Variants in ADAMTS3 observed in about 807,000 individuals in gnomAD.
ADAMTS3 encodes the protein A disintegrin and metalloproteinase with thrombospondin motifs 3.
In ADAMTS3, 73 loss-of-function variants were observed where a neutral mutation model predicts 129.0. The observed-to-expected ratio is 0.57, with a 90% CI of 0.47 to 0.69. ADAMTS3 has a LOEUF of 0.69. ADAMTS3 is among the 30% of genes least tolerant of loss of function. The pLI, the probability that ADAMTS3 is intolerant of heterozygous loss-of-function variation, is 0.00. For missense variants in ADAMTS3, 1,457 were observed against 1,514.5 expected (o/e 0.96, Z 0.63); for synonymous variants, 477 against 510.8 (o/e 0.93, Z 0.89).
At chr4:72,402,247 A>G (rs904311184) in intron 4 of ADAMTS3, among the ~76,000 whole-genome samples, 12 of 152,186 alleles carry the variant, frequency 7.9e-5, no homozygotes, top group African/African-American at 2.9e-4. Flanking sequence ...TTGAGCCTTC[A>G]CTGTTATCTC....
intron 1 of ADAMTS3, among the ~76,000 whole-genome samples, chr4:72,567,611 C>T (rs1163486828): frequency 6.6e-6 from 1 of 152,152 alleles, no homozygotes; most frequent in East Asian, 1.9e-4. Context: ...TTGTTTGCCC[C>T]TTTTCATTTT....
chr4:72,412,798 A>G (rs1173100133), intron 4 of ADAMTS3, among the ~76,000 whole-genome samples: 1 of 152,042 alleles, frequency 6.6e-6, no homozygotes, highest in Non-Finnish European at 1.5e-5. Context: ...CTCAAAATAT[A>G]TTACTCTAGT....
chr4:72,469,035 C>T (rs1416130608), intron 3 of ADAMTS3, among the ~76,000 whole-genome samples: 1 of 151,998 alleles, frequency 6.6e-6, no homozygotes, highest in East Asian at 1.9e-4. Context: ...ATAAATCATA[C>T]TACAATCATA....
At chr4:72,398,840 T>C (rs56284004) in intron 4 of ADAMTS3, among the ~76,000 whole-genome samples, 5,900 of 152,190 alleles carry the variant, frequency 0.039, 410 homozygotes, top group African/African-American at 0.14. Context: ...CTGAGTCCCA[T>C]TCAACCCCTA....
chr4:72,322,501 T>C (rs1719582318), intron 6 of ADAMTS3, among the ~76,000 whole-genome samples: 1 of 152,194 alleles, frequency 6.6e-6, no homozygotes, highest in Admixed American at 6.5e-5. Context: ...ATGAAAAATA[T>C]TCACTCTGCA....
chr4:72,529,688 A>C (rs1176558919), intron 3 of ADAMTS3, among the ~76,000 whole-genome samples: 1 of 124,300 alleles, frequency 8.0e-6, no homozygotes, highest in Non-Finnish European at 1.6e-5. Context: ...TTTATATATT[A>C]AATAATATAT....
At position 72,295,636 on chromosome 4, in the gene ADAMTS3, G is replaced by GTTAA. The variant is rs1560461820; in HGVS notation, c.2723+14_2723+17dup. ...CTGATTTTGACCTCCAGATATGATAGTTAAAATAGATGCTTACAGTGGATG... is the reference window on the plus strand; with the variant it reads ...CTGATTTTGACCTCCAGATATGATAGTTAATTAAAATAGATGCTTACAGTGGATG... On this transcript the variant is annotated intron_variant, in intron 19 of 21. Transcript: ENST00000286657. 6.2e-7 allele frequency: 1 copy of GTTAA among 1,601,024 alleles called. No homozygotes were observed. The highest frequency in any genetic ancestry group is 8.5e-7 in the Non-Finnish European group (1 of 1,173,872).
chr4:72,318,242 G>C (rs757539913), intron 10 of ADAMTS3, among the ~76,000 whole-genome samples: 1 of 152,088 alleles, frequency 6.6e-6, no homozygotes, highest in Non-Finnish European at 1.5e-5. Flanking sequence ...GGGATGCAAA[G>C]AACATGAAGA....
intron 3 of ADAMTS3, among the ~76,000 whole-genome samples, chr4:72,470,881 C>T (rs1315361151): frequency 6.6e-6 from 1 of 151,984 alleles, no homozygotes; most frequent in East Asian, 1.9e-4. Flanking sequence ...TTTATTAAGT[C>T]TTAAGGCTTA....
chr4:72,563,651 A>G (rs1448513921), intron 2 of ADAMTS3, among the ~76,000 whole-genome samples: 1 of 152,186 alleles, frequency 6.6e-6, no homozygotes, highest in Non-Finnish European at 1.5e-5. Context: ...GAGTCCCAAG[A>G]GGCCTTGATA....
chr4:72,317,852 C>G (rs1050040571), intron 10 of ADAMTS3, among the ~76,000 whole-genome samples: 5 of 152,050 alleles, frequency 3.3e-5, no homozygotes, highest in Admixed American at 6.6e-5. Context: ...TATGGTAAAA[C>G]CCCGTCTCTA....
At chr4:72,330,539 T>A (rs1719818033) in intron 5 of ADAMTS3, 1 of 152,276 alleles carries the variant, frequency 6.6e-6, no homozygotes. Flanking sequence ...AGAGTCATTC[T>A]ACTACCAAGT....
intron 4 of ADAMTS3, among the ~76,000 whole-genome samples, chr4:72,394,220 G>T (rs997070361): frequency 1.3e-5 from 2 of 151,842 alleles, no homozygotes; most frequent in African/African-American, 2.4e-5. Flanking sequence ...TCTCTGAGGG[G>T]ATTCAATATA....
chr4:72,325,746 T>A (rs545559503), intron 5 of ADAMTS3, among the ~76,000 whole-genome samples: 2 of 152,258 alleles, frequency 1.3e-5, no homozygotes, highest in South Asian at 4.2e-4. Context: ...CAGTGACAGC[T>A]ATACTGTAAC....
intron 3 of ADAMTS3, among the ~76,000 whole-genome samples, chr4:72,495,054 A>T (rs788924): frequency 3.3e-5 from 5 of 152,284 alleles, no homozygotes; most frequent in African/African-American, 1.2e-4. Context: ...GGCGCACACA[A>T]CCAGTGGCAG....
chr4:72,308,194 C>T (rs1380648490), intron 15 of ADAMTS3, among the ~76,000 whole-genome samples: 1 of 151,908 alleles, frequency 6.6e-6, no homozygotes, highest in East Asian at 1.9e-4. Flanking sequence ...TTATATTTCT[C>T]TTTGCTTTAA....
chr4:72,283,790 T>A, intron 21 of ADAMTS3, 86 bp from the exon 22 acceptor site: 1 of 1,203,856 alleles, frequency 8.3e-7, no homozygotes, highest in Non-Finnish European at 1.1e-6. Context: ...TTAATGAATG[T>A]AAAAAGATTT....
Position 72,419,112 on chromosome 4 carries a change from GC to G in ADAMTS3, c.505-4142del, listed in dbSNP as rs1722380242. 9.2e-5 allele frequency among the ~76,000 whole-genome samples: 14 copies of G among 152,150 alleles called. No homozygotes were observed. The South Asian group carries it at 2.9e-3, about 32-fold the overall frequency. On this transcript the variant is annotated intron_variant, in intron 3 of 21. Transcript: ENST00000286657. Reference sequence around the variant, plus strand: ...CTCCCTCACCTCACAAAAATGAGGTGCCCCCGTCTAAATTAGATCCTCTCTT... The same window carrying G: ...CTCCCTCACCTCACAAAAATGAGGTGCCCCGTCTAAATTAGATCCTCTCTT...
intron 3 of ADAMTS3, among the ~76,000 whole-genome samples, chr4:72,488,973 T>C (rs1267981202): frequency 4.6e-5 from 7 of 151,934 alleles, no homozygotes; most frequent in African/African-American, 1.7e-4. Flanking sequence ...TTCCTTCTAC[T>C]CTCCATTTCT....
Sources: allele counts gnomAD v4.1 joint callset (sites outside exome capture counted in the v4.1 genomes callset), GRCh38; gene constraint gnomAD v4.1.1; transcripts MANE v1.5; gene names NCBI Gene and HGNC (gene_info 2026-07-23, HGNC 2026-07-21).